The following MAGI2 variants were observed in gnomAD, a reference collection of about 807,000 sequenced individuals.
MAGI2 encodes membrane-associated guanylate kinase, WW and PDZ domain-containing protein 2.
MAGI2 carries 35 observed loss-of-function variants against 133.3 expected under a neutral mutation model. The ratio of observed to expected loss-of-function variants is 0.26; its 90% CI spans 0.20 to 0.35. The LOEUF is 0.35. MAGI2 is among the 10% of genes least tolerant of loss of function. The pLI is 1.00. For synonymous variants in MAGI2, 729 were observed against 710.6 expected (o/e 1.03, Z -0.41); for missense variants, 1,636 against 1,863.4 (o/e 0.88, Z 2.25).
chr7:79,070,848 C>T (rs1280286601), intron 1 of MAGI2, among the ~76,000 whole-genome samples: 1 of 152,098 alleles, frequency 6.6e-6, no homozygotes, highest in Non-Finnish European at 1.5e-5. Context: ...ATCGTCTAAC[C>T]TTTTTTCAAG....
intron 1 of MAGI2, among the ~76,000 whole-genome samples, chr7:79,098,113 C>T (rs566056445): frequency 3.3e-5 from 5 of 152,046 alleles, no homozygotes; most frequent in Non-Finnish European, 7.4e-5. Context: ...CAGAGAGAGA[C>T]CCTGTTTCAA....
chr7:79,398,090 A>G (rs1240708604), intron 1 of MAGI2, among the ~76,000 whole-genome samples: 2 of 152,156 alleles, frequency 1.3e-5, no homozygotes, highest in African/African-American at 2.4e-5. Context: ...CTATTTTAGC[A>G]TAAGAACTGG....
At chr7:79,199,989 C>T (rs1286580210) in intron 1 of MAGI2, among the ~76,000 whole-genome samples, 1 of 151,800 alleles carries the variant, frequency 6.6e-6, no homozygotes, top group African/African-American at 2.4e-5. Context: ...CAATTAACAA[C>T]TCTTGTTGCT....
chr7:79,443,463 T>C (rs1444824427), intron 1 of MAGI2, among the ~76,000 whole-genome samples: 1 of 152,076 alleles, frequency 6.6e-6, no homozygotes, highest in African/African-American at 2.4e-5. Flanking sequence ...CATTGGACAA[T>C]TCATATCTCT....
intron 1 of MAGI2, among the ~76,000 whole-genome samples, chr7:79,038,638 A>G (rs1811336769): frequency 6.6e-6 from 1 of 152,226 alleles, no homozygotes; most frequent in Admixed American, 6.5e-5. Context: ...CAAGAATCAT[A>G]TATAGAGATA....
chr7:78,798,238 T>C lies in MAGI2; in HGVS notation c.419-170999A>G, dbSNP rs150370826. Among the ~76,000 whole-genome samples, 532 of 152,262 alleles carry C rather than the reference T, an allele frequency of 3.5e-3. 2 individuals carry two copies. The highest frequency in any genetic ancestry group is 0.012 in the African/African-American group (495 of 41,550). ...ATGTATTTCTATGATCATTAGTTCA[T>C]CTTACAGGAGAAATTGCTCTGAAGA... On this transcript the variant is annotated intron_variant, in intron 2 of 21. Coordinates refer to ENST00000354212, the MANE Select transcript of MAGI2 (RefSeq NM_012301.4).
intron 2 of MAGI2, among the ~76,000 whole-genome samples, chr7:78,990,652 T>C (rs1267287211): frequency 6.6e-6 from 1 of 151,992 alleles, no homozygotes; most frequent in Non-Finnish European, 1.5e-5. Context: ...AAAAAAATAA[T>C]TTGGGGCTTT....
intron 1 of MAGI2, among the ~76,000 whole-genome samples, chr7:79,086,076 A>G (rs1347062091): frequency 1.3e-5 from 2 of 151,884 alleles, no homozygotes; most frequent in Non-Finnish European, 2.9e-5. Flanking sequence ...ATCACATTCC[A>G]AAGTTTTTCC....
chr7:78,624,901 T>A (rs944755008), intron 3 of MAGI2, among the ~76,000 whole-genome samples: 1 of 152,118 alleles, frequency 6.6e-6, no homozygotes, highest in Non-Finnish European at 1.5e-5. Flanking sequence ...ATTTTAGGAG[T>A]GTATTCCTTC....
intron 1 of MAGI2, among the ~76,000 whole-genome samples, chr7:79,315,536 G>A (rs541007551): frequency 2.6e-5 from 4 of 151,928 alleles, no homozygotes; most frequent in Admixed American, 6.6e-5. Flanking sequence ...GATATTCAAC[G>A]TTAGATAATT....
At chr7:78,889,355 T>G (rs1642899) in intron 2 of MAGI2, among the ~76,000 whole-genome samples, 1 of 151,880 alleles carries the variant, frequency 6.6e-6, no homozygotes, top group African/African-American at 2.4e-5. Context: ...CAGGCCAACA[T>G]TCAAATTCAG....
At chr7:78,102,689 T>A (rs993113411) in intron 20 of MAGI2, among the ~76,000 whole-genome samples, 1 of 152,184 alleles carries the variant, frequency 6.6e-6, no homozygotes, top group Non-Finnish European at 1.5e-5. Flanking sequence ...AAGGGCTACA[T>A]AGATTAGTTA....
intron 1 of MAGI2, among the ~76,000 whole-genome samples, chr7:79,166,429 T>A (rs565519777): frequency 6.6e-6 from 1 of 152,018 alleles, no homozygotes; most frequent in Non-Finnish European, 1.5e-5. Flanking sequence ...TGGAGGAAGA[T>A]CCCAACGCCT....
intron 1 of MAGI2, chr7:79,010,926 G>C (rs1185156039): frequency 6.6e-6 from 1 of 152,110 alleles, no homozygotes; most frequent in Non-Finnish European, 1.5e-5. Flanking sequence ...ATCCTCTATA[G>C]TCTGAAGACC....
chr7:79,108,342 T>TA (rs1425924389), intron 1 of MAGI2, among the ~76,000 whole-genome samples: 1 of 152,224 alleles, frequency 6.6e-6, no homozygotes, highest in Non-Finnish European at 1.5e-5. Flanking sequence ...GATCCTTTGA[T>TA]AAGCTACACA....
chr7:79,190,516 A>G (rs1471836216), intron 1 of MAGI2, among the ~76,000 whole-genome samples: 1 of 151,770 alleles, frequency 6.6e-6, no homozygotes, highest in East Asian at 1.9e-4. Context: ...TATATTTTGG[A>G]TACCAATTCT....
At chr7:79,425,481 G>C (rs746424295) in intron 1 of MAGI2, among the ~76,000 whole-genome samples, 2 of 151,454 alleles carry the variant, frequency 1.3e-5, no homozygotes, top group African/African-American at 4.8e-5. Flanking sequence ...ATATTTGGGG[G>C]TTCTCTAGTA....
chr7:78,927,792 T>G (rs887765024), intron 2 of MAGI2, among the ~76,000 whole-genome samples: 1 of 151,926 alleles, frequency 6.6e-6, no homozygotes, highest in East Asian at 1.9e-4. Flanking sequence ...CATTTCTGAA[T>G]TTTGTCCAGA....
intron 2 of MAGI2, among the ~76,000 whole-genome samples, chr7:78,701,788 G>T (rs1429074792): frequency 6.6e-6 from 1 of 151,890 alleles, no homozygotes; most frequent in East Asian, 1.9e-4. Flanking sequence ...AACACTTCCA[G>T]TTAAAAGGCT....
Sources: gnomAD v4.1 joint callset for allele counts (sites outside exome capture counted in the v4.1 genomes callset) on GRCh38, gnomAD v4.1.1 for gene constraint, MANE v1.5 for transcripts, NCBI Gene and HGNC (gene_info 2026-07-23, HGNC 2026-07-21) for gene names.